The following KCNK9 variants were observed in gnomAD, a reference collection of about 807,000 sequenced individuals.
KCNK9 encodes the protein potassium two pore domain channel subfamily K member 9.
A neutral mutation model predicts 10.8 loss-of-function variants in KCNK9; 1 was observed. The ratio of observed to expected loss-of-function variants is 0.09; its 90% CI spans 0.03 to 0.44. KCNK9 has a LOEUF of 0.44. Among genes scored for constraint, KCNK9 ranks in the 20% least tolerant of loss-of-function variants. The pLI, the probability that KCNK9 is intolerant of heterozygous loss-of-function variation, is 0.97. For missense variants in KCNK9, 303 were observed against 515.0 expected, an observed-to-expected ratio of 0.59 and a Z score of 3.98; for synonymous variants, 231 against 222.7, an observed-to-expected ratio of 1.04 and a Z score of -0.33.
intron 1 of KCNK9, among the ~76,000 whole-genome samples, chr8:139,620,787 T>C (rs569525479): frequency 7.5e-4 from 114 of 152,130 alleles, no homozygotes; most frequent in Admixed American, 2.3e-3. Context: ...AGAGATGATA[T>C]GACAAAGTTA....
intron 1 of KCNK9, 67 bp from the exon 2 acceptor site, chr8:139,619,166 A>C: frequency 6.3e-7 from 1 of 1,581,410 alleles, no homozygotes; most frequent in Non-Finnish European, 8.6e-7. Flanking sequence ...GGGGGAAGGG[A>C]GGGTCGACTT....
chr8:139,682,463 G>T (rs1816711719), intron 1 of KCNK9, among the ~76,000 whole-genome samples: 1 of 152,184 alleles, frequency 6.6e-6, no homozygotes, highest in Non-Finnish European at 1.5e-5. Flanking sequence ...GGACACATAG[G>T]AGAGACATCT....
intron 1 of KCNK9, among the ~76,000 whole-genome samples, chr8:139,657,563 A>G (rs1816051979): frequency 6.6e-6 from 1 of 151,984 alleles, no homozygotes; most frequent in South Asian, 2.1e-4. Context: ...AACCCCCCAG[A>G]GCCAAAACCC....
chr8:139,625,130 C>A (rs1205086655), intron 1 of KCNK9, among the ~76,000 whole-genome samples: 2 of 151,262 alleles, frequency 1.3e-5, no homozygotes, highest in African/African-American at 4.9e-5. Context: ...CCGAGCCCCA[C>A]CTCAGGCTGG....
intron 1 of KCNK9, among the ~76,000 whole-genome samples, chr8:139,669,902 C>A (rs1816388163): frequency 6.6e-6 from 1 of 152,200 alleles, no homozygotes; most frequent in Non-Finnish European, 1.5e-5. Flanking sequence ...CCATGGGCTG[C>A]AGAAAGGATG....
At chr8:139,684,997 T>C (rs924502063) in intron 1 of KCNK9, among the ~76,000 whole-genome samples, 1 of 152,226 alleles carries the variant, frequency 6.6e-6, no homozygotes, top group African/African-American at 2.4e-5. Context: ...AAACCCAACA[T>C]GTGTGCAAGC....
At chr8:139,682,629 G>A (rs1183023131) in intron 1 of KCNK9, among the ~76,000 whole-genome samples, 1 of 152,188 alleles carries the variant, frequency 6.6e-6, no homozygotes, top group Non-Finnish European at 1.5e-5. Flanking sequence ...TAGATTTCAA[G>A]GGCCATGGTA....
intron 1 of KCNK9, among the ~76,000 whole-genome samples, chr8:139,683,816 C>T (rs1331683436): frequency 6.6e-6 from 1 of 152,200 alleles, no homozygotes; most frequent in Non-Finnish European, 1.5e-5. Flanking sequence ...GAAATGGAGC[C>T]ACACCTCCTT....
At position 139,618,535 on chromosome 8, in the gene KCNK9, C is replaced by T. The variant is rs1386530051; in HGVS notation, c.848G>A (p.Arg283Gln). ...IHIPEEPRPS[R>Q]PRYKADVPDL... ...CGGGACGTCCGCCTTGTACCTGGGC[C>T]GGCTGGGCCGCGGCTCCTCAGGGAT... Residue 283 changes from arginine (R) to glutamine (Q), a missense_variant, in exon 2 of 2, where the codon CGG becomes CAG. Around this residue, in one of 5 missense-constraint regions of KCNK9, gnomAD observed 138 missense variants for 161.1 expected, o/e 0.86. Coordinates refer to ENST00000520439, the MANE Select transcript of KCNK9 (RefSeq NM_001282534.2). The surrounding 1 kb of genome is among the most constrained non-coding windows in gnomAD (Gnocchi z 7.9). The T allele has an allele frequency of 1.2e-6, 2 of 1,613,552 alleles. No individual in the cohort carries two copies. Among genetic ancestry groups the T allele is most frequent in the East Asian group, 2.2e-5 (1 of 44,872 alleles).
At chr8:139,611,014 G>T (rs959809534), downstream of KCNK9, among the ~76,000 whole-genome samples, 1 of 152,222 alleles carries the variant, frequency 6.6e-6, no homozygotes, top group Non-Finnish European at 1.5e-5. Context: ...TCTAAGGCTC[G>T]CCTCAGTGAT....
chr8:139,662,848 A>G (rs1239332411), intron 1 of KCNK9, among the ~76,000 whole-genome samples: 11 of 31,612 alleles, frequency 3.5e-4, no homozygotes, highest in Non-Finnish European at 5.3e-4. Context: ...AAAGGGGAGA[A>G]GGGAGGAAGG....
chr8:139,659,637 G>A (rs564637991), intron 1 of KCNK9, among the ~76,000 whole-genome samples: 118 of 151,322 alleles, frequency 7.8e-4, no homozygotes, highest in Non-Finnish European at 1.3e-3. Flanking sequence ...TCAGCCACCC[G>A]AGTAGCTGGG....
intron 1 of KCNK9, among the ~76,000 whole-genome samples, chr8:139,643,280 C>A (rs1036289957): frequency 1.3e-5 from 2 of 152,082 alleles, no homozygotes; most frequent in East Asian, 3.9e-4. Context: ...TGGTCTCCAC[C>A]CTCTGCTGGC....
chr8:139,618,971 AG>A lies in KCNK9; in HGVS notation c.411del (p.Tyr138ThrfsTer3), dbSNP rs1563717640. The stretch of plus-strand genomic sequence containing the variant: ...CACTTCTTAATGCGCTTCAGCAGGT[AG>A]CGCACGAAGGTGTTCATGCGCTCGC... ...SLGERMNTFV[R>X]YLLKRIKKCC... On this transcript the variant is annotated frameshift_variant, in exon 2 of 2. Coordinates refer to ENST00000520439, the MANE Select transcript of KCNK9 (RefSeq NM_001282534.2). LOFTEE classifies it high-confidence loss of function. The surrounding 1 kb of genome is among the most constrained non-coding windows in gnomAD (Gnocchi z 7.9). 1 of 1,614,236 alleles carries A rather than the reference AG, an allele frequency of 6.2e-7. No individual in the cohort carries two copies. The highest frequency in any genetic ancestry group is 8.5e-7 in the Non-Finnish European group (1 of 1,180,036).
intron 1 of KCNK9, among the ~76,000 whole-genome samples, chr8:139,623,992 G>T (rs898301967): frequency 6.6e-6 from 1 of 152,078 alleles, no homozygotes; most frequent in Non-Finnish European, 1.5e-5. Flanking sequence ...CAACCGCCCC[G>T]CAAGAGGCCA....
intron 1 of KCNK9, among the ~76,000 whole-genome samples, chr8:139,698,119 A>G (rs13278664): frequency 0.46 from 69,703 of 152,122 alleles, 16,688 homozygotes; most frequent in Non-Finnish European, 0.54. Flanking sequence ...GGAAAACACC[A>G]CAGTTGGAGC....
At chr8:139,671,309 T>C (rs1035538673) in intron 1 of KCNK9, among the ~76,000 whole-genome samples, 1 of 152,186 alleles carries the variant, frequency 6.6e-6, no homozygotes, top group Non-Finnish European at 1.5e-5. Context: ...GGGGACACCC[T>C]TCTGGAACTC....
At chr8:139,630,441 G>A (rs562498242) in intron 1 of KCNK9, among the ~76,000 whole-genome samples, 1 of 152,208 alleles carries the variant, frequency 6.6e-6, no homozygotes, top group South Asian at 2.1e-4. Context: ...GGAGGATGCA[G>A]GCCTGGGCCA....
intron 1 of KCNK9, among the ~76,000 whole-genome samples, chr8:139,678,012 A>C (rs553425568): frequency 1.8e-4 from 27 of 152,202 alleles, no homozygotes; most frequent in Non-Finnish European, 3.4e-4. Flanking sequence ...ACGGCTGCAG[A>C]GTAATACCTC....
Sources: gnomAD v4.1 joint callset for allele counts (sites outside exome capture counted in the v4.1 genomes callset) on GRCh38, gnomAD v4.1.1 for gene constraint, gnomAD v4.1.1 regional missense constraint, Gnocchi (gnomAD v3.1) non-coding constraint, MANE v1.5 for transcripts, NCBI Gene and HGNC (gene_info 2026-07-23, HGNC 2026-07-21) for gene names.